PRKAR2A: variants seen among roughly 807,000 people sequenced by gnomAD.
PRKAR2A encodes protein kinase cAMP-dependent type II regulatory subunit alpha, also known as cAMP-dependent protein kinase type II-alpha regulatory subunit.
In PRKAR2A, 29 loss-of-function variants were observed where a neutral mutation model predicts 51.9. The observed-to-expected ratio is 0.56, with a 90% confidence interval of 0.42 to 0.76. PRKAR2A has a LOEUF of 0.76. PRKAR2A is among the 30% of genes least tolerant of loss of function. The pLI is 0.00. For synonymous variants in PRKAR2A, 178 were observed against 186.2 expected, an observed-to-expected ratio of 0.96 and a Z score of 0.36; for missense variants, 445 against 512.1, an observed-to-expected ratio of 0.87 and a Z score of 1.26.
intron 1 of PRKAR2A, among the ~76,000 whole-genome samples, chr3:48,822,616 C>A (rs1046137647): frequency 1.4e-4 from 22 of 151,974 alleles, no homozygotes; most frequent in African/African-American, 5.3e-4. Flanking sequence ...ACACATGTCA[C>A]AGACTAGTAA....
At chr3:48,758,619 G>C (rs1020069256) in intron 8 of PRKAR2A, among the ~76,000 whole-genome samples, 1 of 150,346 alleles carries the variant, frequency 6.7e-6, no homozygotes, top group East Asian at 2.0e-4. Context: ...AAAACAAAAT[G>C]AAGAAGACAG....
chr3:48,780,830 A>G (rs2082183651), intron 5 of PRKAR2A, among the ~76,000 whole-genome samples: 2 of 152,176 alleles, frequency 1.3e-5, no homozygotes, highest in Admixed American at 6.6e-5. Context: ...AGGTGCATAC[A>G]TTAGATGTAG....
chr3:48,780,542 G>T (rs1416319070), intron 5 of PRKAR2A, among the ~76,000 whole-genome samples: 1 of 149,504 alleles, frequency 6.7e-6, no homozygotes, highest in African/African-American at 2.5e-5. Context: ...GGCGGAGCTT[G>T]CAGTGAGCCA....
chr3:48,746,961 A>G lies in PRKAR2A; in HGVS notation c.*4624T>C, dbSNP rs1402533515. 1.3e-5 allele frequency: 2 copies of G among 152,036 alleles called. No homozygotes were observed. Among genetic ancestry groups the G allele is most frequent in the African/African-American group, 2.4e-5 (1 of 41,392 alleles). 9.4% of individuals were successfully genotyped at this position (152,036 alleles called of 1,614,324 possible). On this transcript the variant is annotated 3_prime_UTR_variant, in exon 11 of 11. Coordinates refer to ENST00000265563, the MANE Select transcript of PRKAR2A (RefSeq NM_004157.4). ...TTATTACAGTGAGCTTAAAAAAACA[A>G]CACGGAATCTACCCTTTGCTCAAGG... is the stretch of plus-strand genomic sequence containing the variant.
At chr3:48,783,133 A>G (rs1161778230) in intron 4 of PRKAR2A, 41 bp from the exon 5 acceptor site, 1 of 1,327,892 alleles carries the variant, frequency 7.5e-7, no homozygotes, top group East Asian at 2.3e-5. Context: ...GCCTTTACAT[A>G]TGCTGAAAAA....
chr3:48,809,818 C>T (rs1484115512), intron 1 of PRKAR2A, among the ~76,000 whole-genome samples: 1 of 152,054 alleles, frequency 6.6e-6, no homozygotes, highest in Admixed American at 6.6e-5. Context: ...GTCATCTGGT[C>T]TGGCCATGAC....
At chr3:48,803,612 G>A (rs543257527) in intron 2 of PRKAR2A, among the ~76,000 whole-genome samples, 1 of 152,234 alleles carries the variant, frequency 6.6e-6, no homozygotes, top group African/African-American at 2.4e-5. Flanking sequence ...TTTTAGTAAA[G>A]ACAGGGTTTC....
At chr3:48,807,744 T>C in intron 1 of PRKAR2A, 60 bp from the exon 2 acceptor site, 1 of 1,459,604 alleles carries the variant, frequency 6.9e-7, no homozygotes, top group Non-Finnish European at 9.6e-7. Flanking sequence ...ATTTTTATCC[T>C]CCCTTTTTGC....
intron 1 of PRKAR2A, among the ~76,000 whole-genome samples, chr3:48,810,745 G>A (rs1055249853): frequency 1.3e-5 from 2 of 151,858 alleles, no homozygotes; most frequent in African/African-American, 2.4e-5. Context: ...ATATGCAAAC[G>A]CCATAATCAT....
intron 6 of PRKAR2A, among the ~76,000 whole-genome samples, chr3:48,767,157 G>T (rs1686908976): frequency 6.6e-6 from 1 of 152,162 alleles, no homozygotes; most frequent in Non-Finnish European, 1.5e-5. Context: ...AGGCTGTCAG[G>T]ACTATACATA....
chr3:48,826,106 A>C (rs533088249), intron 1 of PRKAR2A, among the ~76,000 whole-genome samples: 1 of 152,130 alleles, frequency 6.6e-6, no homozygotes, highest in South Asian at 2.1e-4. Flanking sequence ...TCTATGAATA[A>C]TTTTTTAAAA....
At chr3:48,794,487 G>A (rs1192162546) in intron 2 of PRKAR2A, among the ~76,000 whole-genome samples, 6 of 151,918 alleles carry the variant, frequency 3.9e-5, no homozygotes, top group Non-Finnish European at 8.8e-5. Flanking sequence ...ATGAGGTCAA[G>A]AGATCGAGAC....
intron 1 of PRKAR2A, among the ~76,000 whole-genome samples, chr3:48,826,146 G>A (rs1275803052): frequency 6.6e-6 from 1 of 152,108 alleles, no homozygotes; most frequent in Non-Finnish European, 1.5e-5. Flanking sequence ...CGCACCTCTG[G>A]TTCTAGCTAC....
intron 8 of PRKAR2A, among the ~76,000 whole-genome samples, chr3:48,757,728 G>C (rs1349236277): frequency 6.6e-6 from 1 of 152,012 alleles, no homozygotes; most frequent in Non-Finnish European, 1.5e-5. Flanking sequence ...TTCGACACCA[G>C]CCTGGGCAAA....
chr3:48,765,347 G>A lies in PRKAR2A; in HGVS notation c.699C>T (p.Asp233=). The change falls in exon 7 of 11, where the codon GAC becomes GAT. Residue 233 remains aspartate (D), a splice_region_variant and synonymous_variant. Transcript: ENST00000265563. The part of the protein sequence containing the change: ...ATSEGSLWGL[D]RVTFRRIIVK... ...CTATGATTCTTCTAAAAGTCACCCG[G>A]TCCTACAAGAAAGAATATGAAAATT... 2 of 1,594,632 alleles carry A rather than the reference G, an allele frequency of 1.3e-6. No homozygotes were observed. The highest frequency in any genetic ancestry group is 2.2e-5 in the East Asian group (1 of 44,750).
chr3:48,767,376 C>T (rs575513843), intron 6 of PRKAR2A, among the ~76,000 whole-genome samples: 21 of 151,938 alleles, frequency 1.4e-4, no homozygotes, highest in African/African-American at 4.1e-4. Flanking sequence ...CTTCTTGGGA[C>T]GCTGAGACAG....
chr3:48,804,129 T>C (rs2082632894), intron 2 of PRKAR2A, among the ~76,000 whole-genome samples: 3 of 152,144 alleles, frequency 2.0e-5, no homozygotes, highest in Admixed American at 1.3e-4. Flanking sequence ...AAGTGGAGAA[T>C]TGAACTTAAC....
intron 1 of PRKAR2A, among the ~76,000 whole-genome samples, chr3:48,818,274 T>G (rs1162235509): frequency 6.6e-6 from 1 of 152,234 alleles, no homozygotes; most frequent in East Asian, 1.9e-4. Flanking sequence ...AGAGCTGCCC[T>G]GCCGAATTAT....
chr3:48,784,120 T>C (rs2082250456), intron 4 of PRKAR2A, among the ~76,000 whole-genome samples: 2 of 152,052 alleles, frequency 1.3e-5, no homozygotes, highest in Non-Finnish European at 2.9e-5. Flanking sequence ...AAGAAAATAA[T>C]ACTATTAAAT....
Sources: allele counts gnomAD v4.1 joint callset (sites outside exome capture counted in the v4.1 genomes callset), GRCh38; gene constraint gnomAD v4.1.1; transcripts MANE v1.5; gene names NCBI Gene and HGNC (gene_info 2026-07-23, HGNC 2026-07-21).